Variants in LRRC4B observed in about 807,000 individuals in gnomAD.
LRRC4B encodes leucine-rich repeat-containing protein 4B.
Under a neutral mutation model 7.3 loss-of-function variants are expected in LRRC4B, and 1 was observed. The observed-to-expected ratio is 0.14, with a 90% confidence interval of 0.05 to 0.65. The LOEUF is 0.65. Ranked by LOEUF, LRRC4B falls within the 30% of genes least tolerant of loss-of-function variation. LRRC4B has a pLI of 0.84. For synonymous variants in LRRC4B, 500 were observed against 499.2 expected, an observed-to-expected ratio of 1.00 and a Z score of -0.02; for missense variants, 730 against 1,041.6, an observed-to-expected ratio of 0.70 and a Z score of 4.12.
intron 1 of LRRC4B, among the ~76,000 whole-genome samples, chr19:50,560,906 C>T (rs2387138): frequency 0.027 from 4,082 of 152,036 alleles, 184 homozygotes; most frequent in African/African-American, 0.092. Context: ...CCGGCCAACA[C>T]AGTGAAACCC....
intron 2 of LRRC4B, among the ~76,000 whole-genome samples, chr19:50,540,979 C>G (rs927513283): frequency 6.6e-6 from 1 of 151,422 alleles, no homozygotes; most frequent in Non-Finnish European, 1.5e-5. Flanking sequence ...GTCAGGAGAT[C>G]GAGACCATCC....
chr19:50,526,632 C>T (rs1292287805), intron 2 of LRRC4B, among the ~76,000 whole-genome samples: 1 of 152,172 alleles, frequency 6.6e-6, no homozygotes, highest in African/African-American at 2.4e-5. Flanking sequence ...GACTTGAGGT[C>T]AGGAGTTCCA....
chr19:50,548,880 G>T lies in LRRC4B; in HGVS notation c.-35-7C>A. 2 of 1,350,340 alleles carry T rather than the reference G, an allele frequency of 1.5e-6. No individual in the cohort carries two copies. The highest frequency in any genetic ancestry group is 2.0e-6 in the Non-Finnish European group (2 of 1,021,012). The allele number at this position is 1,350,340 out of a possible 1,614,324, so 83.6% of individuals were successfully genotyped here. A position where few individuals can be genotyped will look rare whatever the true frequency, so the allele number is the denominator to read the frequency against. ...CCGCGTGGACGCTGGGGGGCTGTGG[G>T]TGGGGGAGAGAAGGGGGAGAGGCTT... On this transcript the variant is annotated splice_region_variant and splice_polypyrimidine_tract_variant and intron_variant, in intron 1 of 2. Coordinates refer to ENST00000652263, the MANE Select transcript of LRRC4B (RefSeq NM_001080457.2). The surrounding 1 kb of genome is among the most constrained non-coding windows in gnomAD (Gnocchi z 6.8).
At chr19:50,558,683 C>T (rs991707086) in intron 1 of LRRC4B, among the ~76,000 whole-genome samples, 4 of 152,340 alleles carry the variant, frequency 2.6e-5, no homozygotes, top group South Asian at 2.1e-4. Context: ...ATTCTTCATT[C>T]GACTTGATGT....
At chr19:50,526,386 A>C (rs914254201) in intron 2 of LRRC4B, among the ~76,000 whole-genome samples, 23 of 152,076 alleles carry the variant, frequency 1.5e-4, no homozygotes, top group Admixed American at 1.5e-3. Context: ...TCACTTACAC[A>C]GGAGGATGTC....
At chr19:50,544,366 G>T (rs1981702388) in intron 2 of LRRC4B, among the ~76,000 whole-genome samples, 1 of 151,838 alleles carries the variant, frequency 6.6e-6, no homozygotes, top group Non-Finnish European at 1.5e-5. Context: ...AATTAGCTGG[G>T]TGTGGTGGCG....
intron 2 of LRRC4B, among the ~76,000 whole-genome samples, chr19:50,547,480 G>C (rs537429342): frequency 4.0e-5 from 6 of 151,890 alleles, no homozygotes; most frequent in Admixed American, 1.3e-4. Flanking sequence ...ATCTGGAGGG[G>C]CTGGGACCTC....
In LRRC4B at chr19:50,555,783, G is replaced by C. The variant is rs768701834; in HGVS notation, c.-35-6910C>G. ...GCGCACTCATTTTTTGGGGTGGGGTGGGGGGCTAAATTCAGACGGCCAGAG... is the reference window on the plus strand; with the variant it reads ...GCGCACTCATTTTTTGGGGTGGGGTCGGGGGCTAAATTCAGACGGCCAGAG... On this transcript the variant is annotated intron_variant, in intron 1 of 2. Transcript: ENST00000652263. This position sits in a 1 kb window ranked among gnomAD's most constrained non-coding sequence, Gnocchi z 5.2. The C allele has an allele frequency of 6.6e-6, 1 of 152,320 alleles. No homozygotes were observed. The allele number at this position is 152,320 out of a possible 1,614,324, so 9.4% of individuals were successfully genotyped here.
rs1294153061 is a variant in LRRC4B at position 50,537,621 on chromosome 19, A to G, written c.297+10921T>C. Among the ~76,000 whole-genome samples, 4 of 152,160 alleles carry G rather than the reference A, an allele frequency of 2.6e-5. No individual in the cohort carries two copies. Among genetic ancestry groups the G allele is most frequent in the Non-Finnish European group, 4.4e-5 (3 of 68,018 alleles). The stretch of plus-strand genomic sequence containing the variant: ...ATGTGGCTTTGCAGGACGCCAAGCA[A>G]TTCTACGCCTTTGTCAATTTAACTT... On this transcript the variant is annotated intron_variant, in intron 2 of 2. Coordinates refer to ENST00000652263, the MANE Select transcript of LRRC4B (RefSeq NM_001080457.2). This position sits in a 1 kb window ranked among gnomAD's most constrained non-coding sequence, Gnocchi z 5.5.
intron 2 of LRRC4B, among the ~76,000 whole-genome samples, chr19:50,545,771 T>G (rs1405865593): frequency 6.7e-6 from 1 of 148,730 alleles, no homozygotes; most frequent in African/African-American, 2.5e-5. Context: ...TTGCCCAGGA[T>G]GGAGTGCAGT....
At chr19:50,542,846 G>A (rs1981610813) in intron 2 of LRRC4B, among the ~76,000 whole-genome samples, 1 of 152,140 alleles carries the variant, frequency 6.6e-6, no homozygotes, top group Admixed American at 6.5e-5. Flanking sequence ...TGTGGCAGAA[G>A]AACATTTTAA....
intron 2 of LRRC4B, among the ~76,000 whole-genome samples, chr19:50,526,940 G>A (rs1339843198): frequency 6.7e-6 from 1 of 150,272 alleles, no homozygotes; most frequent in Admixed American, 6.6e-5. Flanking sequence ...TACAACCTCT[G>A]GCTCCCGGGT....
chr19:50,527,036 ATTT>A (rs35428517), intron 2 of LRRC4B, among the ~76,000 whole-genome samples: 6 of 117,382 alleles, frequency 5.1e-5, no homozygotes, highest in Non-Finnish European at 7.2e-5. Context: ...GTATTTTTGT[ATTT>A]TTTTTTTTTT....
At position 50,568,344 on chromosome 19, in the gene LRRC4B, C is replaced by A. The variant is rs1422803221; in HGVS notation, c.-436G>T. Among the ~76,000 whole-genome samples the A allele has an allele frequency of 2.2e-5, 3 of 138,772 alleles. No homozygotes were observed. Among genetic ancestry groups the A allele is most frequent in the South Asian group, 2.3e-4 (1 of 4,262 alleles). The allele number at this position is 138,772 out of a possible 152,430, so 91.0% of individuals were successfully genotyped here. ...CCGCTCTCCCCCCACCCCACCCCCC[C>A]CCAGGCCCCGGCCCCGGCCCCGGCC... On this transcript the variant is annotated 5_prime_UTR_variant, in exon 1 of 3. Coordinates refer to ENST00000652263, the MANE Select transcript of LRRC4B (RefSeq NM_001080457.2).
intron 1 of LRRC4B, among the ~76,000 whole-genome samples, chr19:50,549,243 A>G (rs930423370): frequency 1.4e-4 from 21 of 152,230 alleles, no homozygotes; most frequent in African/African-American, 4.8e-4. Flanking sequence ...AGGTAGATAC[A>G]TCAGAGGAGT....
intron 2 of LRRC4B, among the ~76,000 whole-genome samples, chr19:50,539,457 G>C (rs1981448275): frequency 6.6e-6 from 1 of 152,108 alleles, no homozygotes; most frequent in African/African-American, 2.4e-5. Context: ...CCCTGCTCCA[G>C]ATAAATGCTT....
chr19:50,548,551 G>A lies in LRRC4B; in HGVS notation c.288C>T (p.Asn96=), dbSNP rs199856706. 4.8e-5 allele frequency: 76 copies of A among 1,596,770 alleles called. No individual in the cohort carries two copies. The highest frequency in any genetic ancestry group is 1.7e-4 in the Middle Eastern group (1 of 6,046). The change falls in exon 2 of 3, where the codon AAC becomes AAT. Residue 96 remains asparagine, a synonymous_variant. Transcript: ENST00000652263. The surrounding 1 kb of genome is among the most constrained non-coding windows in gnomAD (Gnocchi z 6.8). ...VNTRYLNLQE[N]GIQVIRTDTF... ...CGCTGGCCCCGCATACCTGGATGCC[G>A]TTCTCTTGCAGGTTCAGGTACCGCG...
chr19:50,536,824 C>A (rs1981315772), intron 2 of LRRC4B, among the ~76,000 whole-genome samples: 1 of 152,110 alleles, frequency 6.6e-6, no homozygotes, highest in African/African-American at 2.4e-5. Context: ...AAGGAAGGGG[C>A]TGGGGTAGCT....
intron 2 of LRRC4B, among the ~76,000 whole-genome samples, chr19:50,530,931 G>GGA (rs1555806669): frequency 7.6e-6 from 1 of 132,384 alleles, no homozygotes; most frequent in Non-Finnish European, 1.5e-5. Flanking sequence ...AGAAACCTGG[G>GGA]GGGGGGGGGT....
Sources: gnomAD v4.1 joint callset for allele counts (sites outside exome capture counted in the v4.1 genomes callset) on GRCh38, gnomAD v4.1.1 for gene constraint, Gnocchi (gnomAD v3.1) non-coding constraint, MANE v1.5 for transcripts, NCBI Gene and HGNC (gene_info 2026-07-23, HGNC 2026-07-21) for gene names.